The following CHSY3 variants were observed in gnomAD, a reference collection of about 807,000 sequenced individuals.
CHSY3 encodes chondroitin sulfate synthase 3, also known as N-acetylgalactosaminyl-proteoglycan 3-beta-glucuronosyltransferase 3.
Under a neutral mutation model 67.2 loss-of-function variants are expected in CHSY3, and 35 were observed. The observed-to-expected ratio is 0.52, with a 90% CI of 0.40 to 0.69. CHSY3 has a LOEUF of 0.69. CHSY3 is among the 30% of genes least tolerant of loss of function. The probability of loss-of-function intolerance (pLI) is 0.00; values close to 1 mark genes in which losing one functional copy is unlikely to be tolerated. For synonymous variants in CHSY3, 474 were observed against 434.7 expected, an observed-to-expected ratio of 1.09 and a Z score of -1.12; for missense variants, 1,069 against 1,138.5, an observed-to-expected ratio of 0.94 and a Z score of 0.88.
intron 2 of CHSY3, among the ~76,000 whole-genome samples, chr5:130,036,342 T>C (rs1764862677): frequency 1.3e-5 from 2 of 152,156 alleles, no homozygotes; most frequent in South Asian, 4.1e-4. Flanking sequence ...ATTTTCCTAG[T>C]ATATCTCTTC....
intron 2 of CHSY3, among the ~76,000 whole-genome samples, chr5:130,172,705 C>T (rs551828021): frequency 6.6e-6 from 1 of 152,252 alleles, no homozygotes; most frequent in South Asian, 2.1e-4. Context: ...TTCTGTAGAA[C>T]TTTTTAATCT....
intron 2 of CHSY3, among the ~76,000 whole-genome samples, chr5:130,122,567 C>T (rs1009321251): frequency 2.0e-5 from 3 of 152,206 alleles, no homozygotes; most frequent in African/African-American, 7.2e-5. Context: ...GTGTTTGTAT[C>T]ACTTTGGAAG....
chr5:130,066,389 A>G (rs1327249200), intron 2 of CHSY3, among the ~76,000 whole-genome samples: 1 of 152,118 alleles, frequency 6.6e-6, no homozygotes, highest in Admixed American at 6.6e-5. Flanking sequence ...TAAGGAGCAT[A>G]AAAGTTAAGT....
intron 2 of CHSY3, among the ~76,000 whole-genome samples, chr5:130,180,188 C>T (rs1453525618): frequency 1.3e-5 from 2 of 152,056 alleles, no homozygotes; most frequent in East Asian, 3.9e-4. Context: ...TCATTTCCCC[C>T]TGTTTCCAAA....
intron 2 of CHSY3, among the ~76,000 whole-genome samples, chr5:130,024,242 C>A (rs1210148768): frequency 1.3e-5 from 2 of 151,482 alleles, no homozygotes; most frequent in Non-Finnish European, 2.9e-5. Context: ...ATTCTTTCCA[C>A]ATTAGAAATA....
chr5:129,954,924 C>T (rs923743748), intron 2 of CHSY3, among the ~76,000 whole-genome samples: 2 of 151,928 alleles, frequency 1.3e-5, no homozygotes, highest in East Asian at 1.9e-4. Context: ...GCTGCAGTGC[C>T]GTGGCGCGAT....
intron 2 of CHSY3, among the ~76,000 whole-genome samples, chr5:130,178,221 T>A (rs1398792727): frequency 3.3e-5 from 3 of 89,640 alleles, no homozygotes; most frequent in African/African-American, 9.1e-5. Context: ...ATGTATATAT[T>A]TATATTTATA....
chr5:130,132,635 T>C (rs1412952494), intron 2 of CHSY3, among the ~76,000 whole-genome samples: 1 of 152,192 alleles, frequency 6.6e-6, no homozygotes, highest in Non-Finnish European at 1.5e-5. Flanking sequence ...GTAGCAAGAA[T>C]GACTTGATTG....
rs1168386372 is a variant in CHSY3, at chr5:130,019,863, T to TC, written c.1086+111504dup. On this transcript the variant is annotated intron_variant, in intron 2 of 2. Coordinates refer to ENST00000305031, the MANE Select transcript of CHSY3 (RefSeq NM_175856.5). The stretch of plus-strand genomic sequence containing the variant: ...GTGGTTTAGCAATCATATTGTTTGA[T>TC]CAGTAAATTAGAGCTTGTAGATATT... Among the ~76,000 whole-genome samples the TC allele has an allele frequency of 4.6e-5, 7 of 152,346 alleles. No homozygotes were observed. In the East Asian group the frequency reaches 1.2e-3, roughly 25 times the overall value.
intron 2 of CHSY3, among the ~76,000 whole-genome samples, chr5:130,010,158 A>G (rs1442196610): frequency 1.3e-5 from 2 of 152,152 alleles, no homozygotes; most frequent in Non-Finnish European, 2.9e-5. Flanking sequence ...AGAACATTCC[A>G]TCCAACAAAA....
At chr5:130,136,437 G>A (rs1213571871) in intron 2 of CHSY3, among the ~76,000 whole-genome samples, 3 of 152,150 alleles carry the variant, frequency 2.0e-5, no homozygotes, top group African/African-American at 4.8e-5. Context: ...TTTGAGGCAG[G>A]GAGTGATATA....
chr5:130,000,592 C>CTT (rs5871374), intron 2 of CHSY3, among the ~76,000 whole-genome samples: 3 of 144,684 alleles, frequency 2.1e-5, no homozygotes, highest in Non-Finnish European at 3.0e-5. Flanking sequence ...CTTTCACCCA[C>CTT]TTTTTTTTTT....
At chr5:129,967,045 G>A (rs1305375370) in intron 2 of CHSY3, among the ~76,000 whole-genome samples, 1 of 151,766 alleles carries the variant, frequency 6.6e-6, no homozygotes, top group Non-Finnish European at 1.5e-5. Context: ...ATTTAGAGTG[G>A]CAGAGTTGTA....
rs75491496 is a variant in CHSY3, at chr5:129,961,201, G to A, written c.1086+52841G>A. On this transcript the variant is annotated intron_variant, in intron 2 of 2. Transcript: ENST00000305031. The stretch of plus-strand genomic sequence containing the variant: ...ATTCAGTATTTCTGACATTGCTAAC[G>A]TTGCTCAAAATGCTTACTTTTCTAA... 9.4e-3 allele frequency among the ~76,000 whole-genome samples: 1,428 copies of A among 152,048 alleles called. 10 individuals carry two copies. The highest frequency in any genetic ancestry group is 0.014 in the Non-Finnish European group (937 of 67,942).
At chr5:130,151,910 C>T (rs1024089776) in intron 2 of CHSY3, among the ~76,000 whole-genome samples, 1 of 152,174 alleles carries the variant, frequency 6.6e-6, no homozygotes, top group Non-Finnish European at 1.5e-5. Flanking sequence ...AATTCATCCC[C>T]TCACAATGCT....
At position 129,909,213 on chromosome 5, in the gene CHSY3, T is replaced by G. The variant is rs979618140; in HGVS notation, c.1086+853T>G. On this transcript the variant is annotated intron_variant, in intron 2 of 2. Coordinates refer to ENST00000305031, the MANE Select transcript of CHSY3 (RefSeq NM_175856.5). Reference sequence around the variant, plus strand: ...AAGATAATTTTAGTAAAAATTTATTTAACATTAAAATAATGTATTGTTTTT... The same window carrying G: ...AAGATAATTTTAGTAAAAATTTATTGAACATTAAAATAATGTATTGTTTTT... Among the ~76,000 whole-genome samples the G allele has an allele frequency of 1.1e-3, 167 of 152,266 alleles. 1 individual carries two copies. Among genetic ancestry groups the G allele is most frequent in the African/African-American group, 3.9e-3 (162 of 41,582 alleles).
At chr5:130,095,305 G>A (rs1054785699) in intron 2 of CHSY3, among the ~76,000 whole-genome samples, 9 of 152,124 alleles carry the variant, frequency 5.9e-5, no homozygotes, top group African/African-American at 2.2e-4. Flanking sequence ...AATACTCGGG[G>A]TCCTTGGAGA....
At chr5:129,986,299 T>C (rs1763199656) in intron 2 of CHSY3, among the ~76,000 whole-genome samples, 1 of 152,186 alleles carries the variant, frequency 6.6e-6, no homozygotes, top group Non-Finnish European at 1.5e-5. Context: ...TGGTTTTTGT[T>C]TCAGTTCTGT....
rs564601789 is a variant in CHSY3, at chr5:129,970,673, A to G, written c.1086+62313A>G. Among the ~76,000 whole-genome samples, 5 of 151,872 alleles carry G rather than the reference A, an allele frequency of 3.3e-5. No individual in the cohort carries two copies. The South Asian group carries it at 1.0e-3, about 32-fold the overall frequency. ...CACTTACACTGTTGTGTTTAATTTG[A>G]TATTGTAGATGCAATTTTCTTTGTA... On this transcript the variant is annotated intron_variant, in intron 2 of 2. Transcript: ENST00000305031.
Sources: allele counts gnomAD v4.1 joint callset (sites outside exome capture counted in the v4.1 genomes callset), GRCh38; gene constraint gnomAD v4.1.1; transcripts MANE v1.5; gene names NCBI Gene and HGNC (gene_info 2026-07-23, HGNC 2026-07-21).